Variants in TSEN15 observed in about 807,000 individuals in gnomAD.
The protein encoded by TSEN15 is tRNA-splicing endonuclease subunit Sen15.
In TSEN15, 10 loss-of-function variants were observed where a neutral mutation model predicts 20.5. The observed-to-expected ratio is 0.49, with a 90% CI of 0.30 to 0.83. TSEN15 has a LOEUF of 0.83. Among genes scored for constraint, TSEN15 ranks in the 40% least tolerant of loss-of-function variants. TSEN15 has a pLI of 0.06. For synonymous variants in TSEN15, 72 were observed against 80.1 expected, an observed-to-expected ratio of 0.90 and a Z score of 0.54; for missense variants, 180 against 218.6, an observed-to-expected ratio of 0.82 and a Z score of 1.11.
intron 3 of TSEN15, among the ~76,000 whole-genome samples, chr1:184,088,072 G>C (rs1054647854): frequency 4.6e-5 from 7 of 152,116 alleles, no homozygotes; most frequent in African/African-American, 1.7e-4. Flanking sequence ...GTTTTCTCTT[G>C]TTGTAGAGGC....
chr1:184,095,110 TC>T (rs767533082), intron 3 of TSEN15: 4 of 398,464 alleles, frequency 1.0e-5, no homozygotes, highest in Non-Finnish European at 1.8e-5. Flanking sequence ...TCTTTTTGTC[TC>T]TCTCTCTCCC....
chr1:184,062,686 G>A (rs1466024897), intron 3 of TSEN15, among the ~76,000 whole-genome samples: 1 of 151,952 alleles, frequency 6.6e-6, no homozygotes, highest in Admixed American at 6.6e-5. Flanking sequence ...CTTATACAGG[G>A]ACTCAAATTA....
At position 184,073,112 on chromosome 1, in the gene TSEN15, A is replaced by G. The variant is rs1650953533; in HGVS notation, c.*265A>G. ...ATATACAGGTTTATGCCTAGGATGTATTCAGATGGGTGGGACCTGTGTGCT... is the reference window on the plus strand; with the variant it reads ...ATATACAGGTTTATGCCTAGGATGTGTTCAGATGGGTGGGACCTGTGTGCT... On this transcript the variant is annotated 3_prime_UTR_variant, in exon 5 of 5. Coordinates refer to ENST00000645668, the MANE Select transcript of TSEN15 (RefSeq NM_052965.4). 2.6e-6 allele frequency: 1 copy of G among 389,660 alleles called. No homozygotes were observed. The highest frequency in any genetic ancestry group is 5.4e-5 in the South Asian group (1 of 18,386). 24.1% of individuals were successfully genotyped at this position (389,660 alleles called of 1,614,324 possible).
intron 3 of TSEN15, among the ~76,000 whole-genome samples, chr1:184,068,048 G>A (rs1219108929): frequency 6.8e-6 from 1 of 147,218 alleles, no homozygotes; most frequent in Non-Finnish European, 1.5e-5. Flanking sequence ...ATTGTAACCT[G>A]CCAATGTTAT....
intron 3 of TSEN15, 177 bp downstream of exon 3, chr1:184,055,040 A>G: frequency 1.5e-6 from 1 of 645,270 alleles, no homozygotes; most frequent in South Asian, 2.7e-5. Context: ...GCATTGCTAT[A>G]AAGAAATACC....
chr1:184,055,649 G>GCTTTTTTTAAAAGCTTTAAAAAAGAGA (rs1447976518), intron 3 of TSEN15, among the ~76,000 whole-genome samples: 3 of 152,132 alleles, frequency 2.0e-5, no homozygotes, highest in East Asian at 3.9e-4. Flanking sequence ...TTTTCATGTA[G>GCTTTTTTTAAAAGCTTTAAAAAAGAGA]CTTTTTTTAA....
At chr1:184,076,244 A>G (rs1396207932), downstream of TSEN15, among the ~76,000 whole-genome samples, 1 of 152,034 alleles carries the variant, frequency 6.6e-6, no homozygotes, top group Non-Finnish European at 1.5e-5. Flanking sequence ...ATATTTTGGT[A>G]ATTCTTGCGA....
chr1:184,067,924 CAAA>C (rs71130650), intron 3 of TSEN15, among the ~76,000 whole-genome samples: 607 of 54,744 alleles, frequency 0.011, 8 homozygotes, highest in African/African-American at 0.054. Context: ...CTCTCTCTCT[CAAA>C]AAAAAAAAAA....
chr1:184,055,976 A>C (rs1043224126), intron 3 of TSEN15, among the ~76,000 whole-genome samples: 4 of 151,624 alleles, frequency 2.6e-5, no homozygotes, highest in Non-Finnish European at 5.9e-5. Flanking sequence ...TTTTAACTTT[A>C]ATTAAAAAAT....
rs910319484 is a variant in TSEN15 at position 184,095,059 on chromosome 1, C to A, written c.354-631C>A. The A allele has an allele frequency of 7.5e-6, 3 of 398,554 alleles. No homozygotes were observed. In the South Asian group the frequency reaches 3.8e-4, roughly 51 times the overall value. The allele number at this position is 398,554 out of a possible 1,614,324, so 24.7% of individuals were successfully genotyped here. The stretch of plus-strand genomic sequence containing the variant: ...AGGACCTGGAAGGGAAGACCTCCTT[C>A]ACTGTTGCTGAGACTGCGAGCTCTT... On this transcript the variant is annotated intron_variant, in intron 3 of 3. Coordinates refer to the TSEN15 transcript ENST00000643231.
downstream of TSEN15, among the ~76,000 whole-genome samples, chr1:184,077,448 T>G (rs1197211410): frequency 1.3e-5 from 2 of 152,208 alleles, no homozygotes; most frequent in Non-Finnish European, 2.9e-5. Context: ...ACAAGGAGAT[T>G]AATGTTGCTT....
intron 1 of TSEN15, among the ~76,000 whole-genome samples, chr1:184,052,615 G>C (rs1409328025): frequency 6.6e-6 from 1 of 152,126 alleles, no homozygotes; most frequent in African/African-American, 2.4e-5. Context: ...TCTTCTGCTA[G>C]AGAGCAATAA....
intron 1 of TSEN15, among the ~76,000 whole-genome samples, chr1:184,052,391 T>C (rs535036700): frequency 6.6e-6 from 1 of 152,296 alleles, no homozygotes; most frequent in East Asian, 1.9e-4. Context: ...AAAGTTTGAA[T>C]AGGTTCTTGC....
downstream of TSEN15, among the ~76,000 whole-genome samples, chr1:184,077,282 A>AT (rs1340431057): frequency 6.6e-6 from 1 of 152,138 alleles, no homozygotes; most frequent in African/African-American, 2.4e-5. Flanking sequence ...AAGTGGAACA[A>AT]TGATGCCTGG....
At position 184,071,730 on chromosome 1, in the gene TSEN15, C is replaced by T. The variant is rs532015767; in HGVS notation, c.354-427C>T. ...AGGAGGGTGAGAGGAAGTAAAAAGA[C>T]ATGTGATATATAGAAAACAAATAGC... On this transcript the variant is annotated intron_variant, in intron 3 of 4. Transcript: ENST00000645668. 5.9e-5 allele frequency among the ~76,000 whole-genome samples: 9 copies of T among 152,004 alleles called. No individual in the cohort carries two copies. The South Asian group carries it at 1.9e-3, about 32-fold the overall frequency.
In TSEN15 at chr1:184,093,180, T is replaced by C. The variant is rs529660418; in HGVS notation, c.354-2510T>C. 5.3e-5 allele frequency among the ~76,000 whole-genome samples: 8 copies of C among 152,300 alleles called. No individual in the cohort carries two copies. The East Asian group carries it at 1.5e-3, about 29-fold the overall frequency. ...GGCAAGAGTAGGCAGCAAAAAGAGA[T>C]GATATTGAGTTGCAAAGCTTTTCTA... On this transcript the variant is annotated intron_variant, in intron 3 of 3. Coordinates refer to the TSEN15 transcript ENST00000643231.
At chr1:184,065,300 C>T (rs1650611867) in intron 3 of TSEN15, among the ~76,000 whole-genome samples, 1 of 152,052 alleles carries the variant, frequency 6.6e-6, no homozygotes, top group Admixed American at 6.6e-5. Context: ...AGTGTTTCCC[C>T]TATTATTAAC....
At chr1:184,075,334 C>A (rs935868660), downstream of TSEN15, among the ~76,000 whole-genome samples, 1 of 152,052 alleles carries the variant, frequency 6.6e-6, no homozygotes, top group African/African-American at 2.4e-5. Flanking sequence ...GGCCACCCAG[C>A]TGTGTATGTC....
Position 184,072,099 on chromosome 1 carries a change from C to A in TSEN15, c.354-58C>A, listed in dbSNP as rs905095539. The A allele has an allele frequency of 3.5e-5, 54 of 1,538,726 alleles. No individual in the cohort carries two copies. The East Asian group carries it at 5.6e-4, about 16-fold the overall frequency. On this transcript the variant is annotated intron_variant, in intron 3 of 4. Coordinates refer to ENST00000645668, the MANE Select transcript of TSEN15 (RefSeq NM_052965.4). ...CAAGTTTTCTAGTGCTTTCTTCTGT[C>A]ACATCTCATCTAATTGAGTGACCGC...
Sources: allele counts gnomAD v4.1 joint callset (sites outside exome capture counted in the v4.1 genomes callset), GRCh38; gene constraint gnomAD v4.1.1; transcripts MANE v1.5; gene names NCBI Gene and HGNC (gene_info 2026-07-23, HGNC 2026-07-21).